PHACTR1: variants seen among roughly 807,000 people sequenced by gnomAD.
PHACTR1 encodes phosphatase and actin regulator 1.
A neutral mutation model predicts 69.2 loss-of-function variants in PHACTR1; 16 were observed. The ratio of observed to expected loss-of-function variants is 0.23; its 90% CI spans 0.16 to 0.35. PHACTR1 has a LOEUF of 0.35. Ranked by LOEUF, PHACTR1 falls within the 10% of genes least tolerant of loss-of-function variation. PHACTR1 has a pLI of 1.00. For synonymous variants in PHACTR1, 312 were observed against 284.5 expected, an observed-to-expected ratio of 1.10 and a Z score of -0.97; for missense variants, 510 against 734.7, an observed-to-expected ratio of 0.69 and a Z score of 3.54.
intron 4 of PHACTR1, among the ~76,000 whole-genome samples, chr6:12,832,701 A>G: frequency 6.6e-6 from 1 of 152,128 alleles, no homozygotes; most frequent in East Asian, 1.9e-4. Context: ...TGCTTGTTTC[A>G]AAGCCCTTTG....
In PHACTR1 at chr6:13,236,111, C is replaced by T. The variant is rs1439910725; in HGVS notation, c.1391+5918C>T. On this transcript the variant is annotated intron_variant, in intron 10 of 14. Transcript: ENST00000332995. ...TGGGCATTTTTTTTTTTTTGGCAGT[C>T]AGAGTTGACCAGAATTTTTTCATCA... Among the ~76,000 whole-genome samples, 9 of 148,410 alleles carry T rather than the reference C, an allele frequency of 6.1e-5. No homozygotes were observed. The Admixed American group carries it at 6.1e-4, about 10-fold the overall frequency.
intron 6 of PHACTR1, among the ~76,000 whole-genome samples, chr6:13,163,675 T>A (rs1203397644): frequency 6.6e-6 from 1 of 152,200 alleles, no homozygotes; most frequent in Non-Finnish European, 1.5e-5. Context: ...TTATAGTATA[T>A]CTACAGTTAG....
chr6:13,223,205 G>A lies in PHACTR1; in HGVS notation c.987-4611G>A, dbSNP rs533606107. Among the ~76,000 whole-genome samples the A allele has an allele frequency of 6.6e-5, 10 of 152,236 alleles. No individual in the cohort carries two copies. In the South Asian group the frequency reaches 2.1e-3, roughly 32 times the overall value. ...AATAATAGTGTAAATGGACTTCAAA[G>A]ATGCCATACACAAAAAAGATTAAGG... On this transcript the variant is annotated intron_variant, in intron 8 of 14. Transcript: ENST00000332995.
intron 4 of PHACTR1, among the ~76,000 whole-genome samples, chr6:12,764,765 G>A (rs1768410696): frequency 6.6e-6 from 1 of 152,104 alleles, no homozygotes; most frequent in South Asian, 2.1e-4. Context: ...TGGGAAGTGG[G>A]GCTCCCACCG....
At chr6:13,012,687 T>C (rs1040281008) in intron 4 of PHACTR1, among the ~76,000 whole-genome samples, 1 of 152,196 alleles carries the variant, frequency 6.6e-6, no homozygotes, top group African/African-American at 2.4e-5. Context: ...TAATCTCTAT[T>C]TTTAAAATAA....
At chr6:13,131,422 A>T (rs920560616) in intron 5 of PHACTR1, among the ~76,000 whole-genome samples, 5 of 152,108 alleles carry the variant, frequency 3.3e-5, no homozygotes, top group Non-Finnish European at 5.9e-5. Flanking sequence ...TAAGAATGAT[A>T]TAATGGACTT....
At chr6:13,118,389 C>G (rs572617204) in intron 5 of PHACTR1, among the ~76,000 whole-genome samples, 1 of 152,198 alleles carries the variant, frequency 6.6e-6, no homozygotes, top group South Asian at 2.1e-4. Flanking sequence ...GAGTTTTACC[C>G]AAGTCCTGCT....
At chr6:12,883,435 G>A (rs978259233) in intron 4 of PHACTR1, among the ~76,000 whole-genome samples, 4 of 151,592 alleles carry the variant, frequency 2.6e-5, no homozygotes, top group East Asian at 1.9e-4. Flanking sequence ...GGCAGGTCTC[G>A]AACTCCTGAC....
intron 10 of PHACTR1, among the ~76,000 whole-genome samples, chr6:13,257,882 A>G (rs1240211698): frequency 3.3e-5 from 5 of 152,134 alleles, no homozygotes; most frequent in Non-Finnish European, 7.3e-5. Context: ...ACCAGCACAG[A>G]TGGCTGTGCC....
chr6:13,161,538 C>A (rs929304082), intron 6 of PHACTR1, among the ~76,000 whole-genome samples: 23 of 152,006 alleles, frequency 1.5e-4, no homozygotes, highest in Non-Finnish European at 2.9e-4. Context: ...ACATAATATT[C>A]TACTTTAACA....
chr6:12,749,843 C>G, intron 4 of PHACTR1, 53 bp downstream of exon 4: 2 of 1,457,484 alleles, frequency 1.4e-6, no homozygotes, highest in Non-Finnish European at 1.8e-6. Context: ...CCCTCCCTCC[C>G]CGGCTGTTGA....
intron 4 of PHACTR1, among the ~76,000 whole-genome samples, chr6:12,991,006 G>A (rs1796761123): frequency 6.6e-6 from 1 of 152,144 alleles, no homozygotes; most frequent in Non-Finnish European, 1.5e-5. Flanking sequence ...AGGATAGCAG[G>A]GCGAGGCAGG....
intron 4 of PHACTR1, among the ~76,000 whole-genome samples, chr6:12,965,818 A>G (rs1354918599): frequency 1.3e-5 from 2 of 152,172 alleles, no homozygotes; most frequent in Admixed American, 6.5e-5. Context: ...ACTTTATGAG[A>G]CAAAACTGCC....
chr6:13,099,108 T>G (rs892934045), intron 5 of PHACTR1, among the ~76,000 whole-genome samples: 1 of 152,246 alleles, frequency 6.6e-6, no homozygotes, highest in Non-Finnish European at 1.5e-5. Flanking sequence ...CTCTGTGGCC[T>G]CTGCATGTGA....
intron 10 of PHACTR1, among the ~76,000 whole-genome samples, chr6:13,232,089 C>A (rs150645380): frequency 1.8e-4 from 28 of 152,316 alleles, no homozygotes; most frequent in African/African-American, 6.0e-4. Context: ...ACCTGTGTTT[C>A]TGCATATGTA....
At chr6:13,067,553 G>T (rs562867629) in intron 5 of PHACTR1, among the ~76,000 whole-genome samples, 1 of 152,276 alleles carries the variant, frequency 6.6e-6, no homozygotes, top group East Asian at 1.9e-4. Flanking sequence ...GAAAGTCAAG[G>T]TGTAGCATAC....
At chr6:12,955,736 A>C (rs981819649) in intron 4 of PHACTR1, among the ~76,000 whole-genome samples, 1 of 152,224 alleles carries the variant, frequency 6.6e-6, no homozygotes, top group Admixed American at 6.5e-5. Context: ...AGGGAGAGAC[A>C]TAAACAGACA....
chr6:13,253,013 CAGAAG>C (rs1407555896), intron 10 of PHACTR1: 1 of 454,246 alleles, frequency 2.2e-6, no homozygotes, highest in African/African-American at 2.0e-5. Context: ...GAAACAAGTT[CAGAAG>C]AGACTTTGGG....
At chr6:12,753,949 T>C (rs1766931909) in intron 4 of PHACTR1, among the ~76,000 whole-genome samples, 1 of 78,382 alleles carries the variant, frequency 1.3e-5, no homozygotes, top group Non-Finnish European at 2.4e-5. Flanking sequence ...TGTAAATATA[T>C]ATATATATAT....
Sources: gnomAD v4.1 joint callset for allele counts (sites outside exome capture counted in the v4.1 genomes callset) on GRCh38, gnomAD v4.1.1 for gene constraint, MANE v1.5 for transcripts, NCBI Gene and HGNC (gene_info 2026-07-23, HGNC 2026-07-21) for gene names.